The following NEBL variants were observed in gnomAD, a reference collection of about 807,000 sequenced individuals.
NEBL encodes LIM and SH3 protein 2.
In NEBL, 122 loss-of-function variants were observed where a neutral mutation model predicts 140.2. The observed-to-expected ratio is 0.87, with a 90% CI of 0.75 to 1.01. The LOEUF (loss-of-function observed/expected upper bound fraction) is 1.01. Among genes scored for constraint, NEBL ranks in the 50% least tolerant of loss-of-function variants. The pLI is 0.00. For missense variants in NEBL, 1,365 were observed against 1,231.3 expected, an observed-to-expected ratio of 1.11 and a Z score of -1.62; for synonymous variants, 436 against 398.9, an observed-to-expected ratio of 1.09 and a Z score of -1.11.
intron 2 of NEBL, among the ~76,000 whole-genome samples, chr10:21,137,828 A>G (rs1839424389): frequency 6.6e-6 from 1 of 151,766 alleles, no homozygotes; most frequent in South Asian, 2.1e-4. Context: ...TTGTGATCTC[A>G]GCTTCTCGGG....
chr10:21,126,745 G>A (rs1240453071), intron 2 of NEBL, among the ~76,000 whole-genome samples: 4 of 151,922 alleles, frequency 2.6e-5, no homozygotes, highest in African/African-American at 7.3e-5. Flanking sequence ...AGGCCGAGGC[G>A]GGTGGATCAT....
intron 2 of NEBL, among the ~76,000 whole-genome samples, chr10:21,098,946 G>C (rs759893474): frequency 6.6e-6 from 1 of 152,068 alleles, no homozygotes; most frequent in Non-Finnish European, 1.5e-5. Flanking sequence ...AGACCAGCCT[G>C]GGCATCACAG....
At chr10:21,144,744 A>G (rs1362703189) in intron 2 of NEBL, among the ~76,000 whole-genome samples, 2 of 152,110 alleles carry the variant, frequency 1.3e-5, no homozygotes, top group Admixed American at 1.3e-4. Flanking sequence ...GAAAAAAGAA[A>G]AAAAGGCAGA....
chr10:20,858,491 T>C, intron 8 of NEBL, 147 bp from the exon 9 acceptor site: 1 of 693,828 alleles, frequency 1.4e-6, no homozygotes, highest in South Asian at 1.7e-5. Context: ...ATGGTGCTGA[T>C]TTACTACTGA....
chr10:21,145,169 TCTTA>T (rs1417066059), intron 2 of NEBL, among the ~76,000 whole-genome samples: 2 of 152,224 alleles, frequency 1.3e-5, no homozygotes, highest in African/African-American at 4.8e-5. Flanking sequence ...ATGGGTATTC[TCTTA>T]CATTTTGTCT....
intron 4 of NEBL, among the ~76,000 whole-genome samples, chr10:20,957,199 G>A (rs927235070): frequency 6.6e-6 from 1 of 152,018 alleles, no homozygotes; most frequent in Non-Finnish European, 1.5e-5. Context: ...ATCTAATATT[G>A]TTGAAGCTAA....
At chr10:20,859,620 G>T in intron 8 of NEBL, 93 bp downstream of exon 8, 2 of 754,092 alleles carry the variant, frequency 2.7e-6, no homozygotes, top group Admixed American at 2.6e-5. Flanking sequence ...AAATTACTTG[G>T]AAGCTAAGTA....
chr10:21,166,635 C>G (rs1460349042), intron 2 of NEBL, among the ~76,000 whole-genome samples: 1 of 152,172 alleles, frequency 6.6e-6, no homozygotes, highest in African/African-American at 2.4e-5. Context: ...TTTGTTACTT[C>G]TCATACAGCC....
chr10:20,920,222 T>C (rs758151561), intron 4 of NEBL, among the ~76,000 whole-genome samples: 2 of 152,220 alleles, frequency 1.3e-5, no homozygotes, highest in Non-Finnish European at 2.9e-5. Context: ...TCAACCCCAG[T>C]GGAGGAGAAT....
At chr10:20,946,166 C>T (rs1248062661) in intron 4 of NEBL, among the ~76,000 whole-genome samples, 2 of 152,114 alleles carry the variant, frequency 1.3e-5, no homozygotes, top group South Asian at 2.1e-4. Flanking sequence ...ATGAGGACAA[C>T]GAAGGTGAGA....
chr10:21,254,116 A>G (rs72793021), intron 1 of NEBL, among the ~76,000 whole-genome samples: 7 of 152,266 alleles, frequency 4.6e-5, no homozygotes, highest in African/African-American at 7.2e-5. Context: ...AGACCCTTTC[A>G]TATGTAGAAT....
At chr10:21,089,299 C>G (rs1327219434) in intron 2 of NEBL, among the ~76,000 whole-genome samples, 5 of 152,024 alleles carry the variant, frequency 3.3e-5, no homozygotes, top group African/African-American at 1.2e-4. Flanking sequence ...CAGCTGGATC[C>G]CAGGCCTGAA....
intron 2 of NEBL, among the ~76,000 whole-genome samples, chr10:21,161,713 AT>A (rs1840567304): frequency 6.6e-6 from 1 of 152,128 alleles, no homozygotes; most frequent in South Asian, 2.1e-4. Context: ...TTAGGCCCTC[AT>A]TCATGTCCTG....
At chr10:21,262,092 T>C (rs768379961) in intron 1 of NEBL, among the ~76,000 whole-genome samples, 2 of 152,186 alleles carry the variant, frequency 1.3e-5, no homozygotes, top group African/African-American at 2.4e-5. Context: ...ACAGACTTTG[T>C]CTTATTATCC....
chr10:20,957,707 CAAAT>C (rs749379569), intron 4 of NEBL, among the ~76,000 whole-genome samples: 13 of 152,104 alleles, frequency 8.5e-5, no homozygotes, highest in Admixed American at 1.3e-4. Context: ...GAAATCCTGA[CAAAT>C]CAAATAATGG....
intron 1 of NEBL, among the ~76,000 whole-genome samples, chr10:21,291,935 C>A (rs1271830769): frequency 1.3e-5 from 2 of 152,064 alleles, no homozygotes; most frequent in Non-Finnish European, 2.9e-5. Flanking sequence ...AAAAGAAAAA[C>A]CTTATTTGTT....
chr10:21,189,756 C>T (rs191355306), intron 3 of NEBL, among the ~76,000 whole-genome samples: 3 of 152,184 alleles, frequency 2.0e-5, no homozygotes, highest in Admixed American at 6.5e-5. Context: ...CATGAGCCAC[C>T]GCGCCTGGCC....
intron 9 of NEBL, among the ~76,000 whole-genome samples, chr10:20,855,858 T>C (rs549837362): frequency 1.3e-5 from 2 of 152,320 alleles, no homozygotes; most frequent in African/African-American, 2.4e-5. Flanking sequence ...ATAGCTACTG[T>C]GACAAATGGA....
intron 1 of NEBL, among the ~76,000 whole-genome samples, chr10:21,288,125 A>G (rs1843084252): frequency 6.6e-6 from 1 of 152,244 alleles, no homozygotes; most frequent in African/African-American, 2.4e-5. Flanking sequence ...ACAAATGGTA[A>G]TCATTATGAC....
Sources: gnomAD v4.1 joint callset for allele counts (sites outside exome capture counted in the v4.1 genomes callset) on GRCh38, gnomAD v4.1.1 for gene constraint, MANE v1.5 for transcripts, NCBI Gene and HGNC (gene_info 2026-07-23, HGNC 2026-07-21) for gene names.